The following ALDOB variants were observed in gnomAD, a reference collection of about 807,000 sequenced individuals.
ALDOB encodes the protein fructose-bisphosphate aldolase B.
Under a neutral mutation model 41.0 loss-of-function variants are expected in ALDOB, and 39 were observed. That is an observed-to-expected ratio of 0.95 (90% CI 0.74 to 1.24). The LOEUF is 1.24. ALDOB is among the 50% of genes most tolerant of loss of function. The probability of loss-of-function intolerance (pLI) is 0.00; values close to 1 mark genes in which losing one functional copy is unlikely to be tolerated. For synonymous variants in ALDOB, 175 were observed against 168.8 expected (o/e 1.04, Z -0.28); for missense variants, 530 against 457.3 (o/e 1.16, Z -1.45).
At chr9:101,428,572 C>A (rs1831165511) in intron 3 of ALDOB, 49 bp from the exon 4 acceptor site, 2 of 1,465,022 alleles carry the variant, frequency 1.4e-6, no homozygotes, top group Non-Finnish European at 1.9e-6. Flanking sequence ...AAAACACAAG[C>A]AGAACTCTTG....
At chr9:101,433,292 C>T (rs1021003566) in intron 1 of ALDOB, among the ~76,000 whole-genome samples, 2 of 152,170 alleles carry the variant, frequency 1.3e-5, no homozygotes, top group Admixed American at 1.3e-4. Context: ...CTATTTTCTT[C>T]AATCTGGGTA....
At chr9:101,428,357 G>T in intron 4 of ALDOB, 112 bp downstream of exon 4, 4 of 970,034 alleles carry the variant, frequency 4.1e-6, no homozygotes, top group Non-Finnish European at 6.7e-6. Context: ...AGGTACGTGT[G>T]GCTCTAAGAC....
chr9:101,429,698 T>C lies in ALDOB; in HGVS notation c.324+57A>G, dbSNP rs1388661043. ...AGAGTGTTGGCCCTGTCCTTGCCAG[T>C]GTGCTTGGAGTTTGCCTAGGACAAA... On this transcript the variant is annotated intron_variant, in intron 3 of 8. Transcript: ENST00000647789. The C allele has an allele frequency of 3.3e-6, 5 of 1,500,706 alleles. No individual in the cohort carries two copies. In the African/African-American group the frequency reaches 4.1e-5, roughly 12 times the overall value. The allele number at this position is 1,500,706 out of a possible 1,614,324, so 93.0% of individuals were successfully genotyped here. A position where few individuals can be genotyped will look rare whatever the true frequency, so the allele number is the denominator to read the frequency against.
At chr9:101,431,630 A>G (rs754701322) in intron 1 of ALDOB, among the ~76,000 whole-genome samples, 86 of 152,092 alleles carry the variant, frequency 5.7e-4, no homozygotes, top group Admixed American at 8.5e-4. Context: ...AAGACCCCCT[A>G]ACCAAGCAGC....
Position 101,429,861 on chromosome 9 carries a change from C to G in ALDOB, c.218G>C (p.Ser73Thr). The G allele has an allele frequency of 6.2e-7, 1 of 1,614,116 alleles. No individual in the cohort carries two copies. The highest frequency in any genetic ancestry group is 8.5e-7 in the Non-Finnish European group (1 of 1,180,042). The change falls in exon 3 of 9, where the codon AGC becomes ACC. Residue 73 changes from serine to threonine, a missense_variant. By Grantham distance (58) the Ser-to-Thr change is moderately conservative. Transcript: ENST00000647789. Reference protein sequence around the residue: ...LFSVDSSINQSIGGVILFHET... With the variant: ...LFSVDSSINQTIGGVILFHET... The stretch of plus-strand genomic sequence containing the variant: ...GTGGAAAAGGATCACACCCCCGATG[C>G]TCTGGTTGATGGAACTGTCCACAGA...
chr9:101,429,794 T>C lies in ALDOB; in HGVS notation c.285A>G (p.Arg95=), dbSNP rs773510589. The part of the protein sequence containing the change: ...YQKDSQGKLF[R]NILKEKGIVV... The stretch of plus-strand genomic sequence containing the variant: ...CGATCCCCTTTTCCTTGAGGATGTT[T>C]CTGAACAGCTTTCCCTGGCTGTCCT... The change falls in exon 3 of 9, where the codon AGA becomes AGG. Residue 95 remains arginine, a synonymous_variant. Coordinates refer to ENST00000647789, the MANE Select transcript of ALDOB (RefSeq NM_000035.4). 1.9e-6 allele frequency: 3 copies of C among 1,614,034 alleles called. No homozygotes were observed. In the Admixed American group the frequency reaches 5.0e-5, roughly 27 times the overall value.
intron 8 of ALDOB, among the ~76,000 whole-genome samples, chr9:101,424,491 G>A (rs1342210404): frequency 1.3e-5 from 2 of 152,056 alleles, no homozygotes; most frequent in Non-Finnish European, 2.9e-5. Flanking sequence ...AGAATGCTTG[G>A]TTCACCCTAC....
intron 1 of ALDOB, among the ~76,000 whole-genome samples, 163 bp from the exon 2 acceptor site, chr9:101,431,060 C>T (rs1422047043): frequency 6.6e-6 from 1 of 152,236 alleles, no homozygotes; most frequent in Non-Finnish European, 1.5e-5. Context: ...TCCCCCATCA[C>T]TTATTAGTTG....
intron 2 of ALDOB, 65 bp downstream of exon 2, chr9:101,430,711 T>C: frequency 8.3e-7 from 1 of 1,201,656 alleles, no homozygotes; most frequent in Non-Finnish European, 1.2e-6. Context: ...GATTATCAAG[T>C]TGTTTTTGCT....
chr9:101,431,488 T>C (rs978993155), intron 1 of ALDOB, among the ~76,000 whole-genome samples: 3 of 152,300 alleles, frequency 2.0e-5, no homozygotes, highest in Non-Finnish European at 4.4e-5. Flanking sequence ...ATGAAACCAC[T>C]TGGGGCAGAC....
rs140263869 is a variant in ALDOB at position 101,427,280 on chromosome 9, T to G, written c.540+202A>C. ...TTGATGGCATTATCCTTTGAACTCA[T>G]AGCTTAGTTGGACTCCTACTGGCTT... On this transcript the variant is annotated intron_variant, in intron 5 of 8. Coordinates refer to ENST00000647789, the MANE Select transcript of ALDOB (RefSeq NM_000035.4). Among the ~76,000 whole-genome samples, 803 of 152,274 alleles carry G rather than the reference T, an allele frequency of 5.3e-3. 1 individual carries two copies. The highest frequency in any genetic ancestry group is 7.9e-3 in the Non-Finnish European group (537 of 67,998).
intron 3 of ALDOB, 79 bp downstream of exon 3, chr9:101,429,676 G>T: frequency 7.9e-7 from 1 of 1,271,238 alleles, no homozygotes; most frequent in Non-Finnish European, 1.2e-6. Flanking sequence ...AATGTTCAGA[G>T]TGTTGGCCCT....
At position 101,424,889 on chromosome 9, in the gene ALDOB, G is replaced by T; in HGVS notation, c.953C>A (p.Ala318Asp). ...CTCCTGGGTTGCCTCCTTGTTTGCAGCCTTGCCACCCCAGGCAGCCAGTGC... is the reference window on the plus strand; with the variant it reads ...CTCCTGGGTTGCCTCCTTGTTTGCATCCTTGCCACCCCAGGCAGCCAGTGC... ...ASALAAWGGK[A>D]ANKEATQEAF... Residue 318 changes from alanine (A) to aspartate (D), a missense_variant, in exon 8 of 9, where the codon GCT becomes GAT. By Grantham distance (126) the Ala-to-Asp change is moderately radical. Coordinates refer to ENST00000647789, the MANE Select transcript of ALDOB (RefSeq NM_000035.4). The T allele has an allele frequency of 6.2e-7, 1 of 1,613,954 alleles. No homozygotes were observed. Among genetic ancestry groups the T allele is most frequent in the South Asian group, 1.1e-5 (1 of 91,072 alleles).
rs61757689 is a variant in ALDOB at position 101,425,571 on chromosome 9, G to A, written c.681C>T (p.Thr227=). ...LNDHHVYLEG[T]LLKPNMVTAG... is the part of the protein sequence containing the mutation. ...CAGTCACCATGTTGGGCTTTAGCAG[G>A]GTGCCCTCCAGGTAAACATGATGGT... The change falls in exon 7 of 9, where the codon ACC becomes ACT. Residue 227 remains threonine, a synonymous_variant. Coordinates refer to ENST00000647789, the MANE Select transcript of ALDOB (RefSeq NM_000035.4). 941 of 1,614,038 alleles carry A rather than the reference G, an allele frequency of 5.8e-4. No individual in the cohort carries two copies. Among genetic ancestry groups the A allele is most frequent in the Non-Finnish European group, 7.7e-4 (913 of 1,180,050 alleles).
Position 101,424,724 on chromosome 9 carries a change from C to T in ALDOB, c.999+119G>A. The T allele has an allele frequency of 2.4e-6, 3 of 1,228,608 alleles. No individual in the cohort carries two copies. The South Asian group carries it at 3.7e-5, about 15-fold the overall frequency. 76.1% of individuals were successfully genotyped at this position (1,228,608 alleles called of 1,614,324 possible). A position where few individuals can be genotyped will look rare whatever the true frequency, so the allele number is the denominator to read the frequency against. ...CCTCTACTGCCACATTTTCAAATGC[C>T]TAATAGACACTATCGGTAGATACCT... On this transcript the variant is annotated intron_variant, in intron 8 of 8. Coordinates refer to ENST00000647789, the MANE Select transcript of ALDOB (RefSeq NM_000035.4).
Position 101,420,897 on chromosome 9 carries a change from C to T in ALDOB, c.*912G>A, listed in dbSNP as rs951999739. On this transcript the variant is annotated 3_prime_UTR_variant, in exon 9 of 9. Transcript: ENST00000647789. The stretch of plus-strand genomic sequence containing the variant: ...GTGAATATTATTTACTGCAAAACTA[C>T]GAAATATGCCTGGACGTGCAGATGA... The T allele has an allele frequency of 5.3e-5, 8 of 152,130 alleles. No homozygotes were observed. Among genetic ancestry groups the T allele is most frequent in the African/African-American group, 1.9e-4 (8 of 41,432 alleles). 9.4% of individuals were successfully genotyped at this position (152,130 alleles called of 1,614,324 possible).
At chr9:101,422,025 T>A in intron 8 of ALDOB, 121 bp from the exon 9 acceptor site, 1 of 810,836 alleles carries the variant, frequency 1.2e-6, no homozygotes, top group Non-Finnish European at 2.1e-6. Context: ...TTTACAGCAA[T>A]GTTGCTGAAT....
chr9:101,434,217 G>A (rs575310423), intron 1 of ALDOB, among the ~76,000 whole-genome samples: 59 of 152,246 alleles, frequency 3.9e-4, no homozygotes, highest in Non-Finnish European at 4.3e-4. Context: ...AGATACCTGC[G>A]TCAACCCTGT....
At chr9:101,429,264 C>A (rs1426464459) in intron 3 of ALDOB, among the ~76,000 whole-genome samples, 1 of 150,682 alleles carries the variant, frequency 6.6e-6, no homozygotes, top group Non-Finnish European at 1.5e-5. Flanking sequence ...GGTGATCAAT[C>A]TTTCCACGTC....
Sources: allele counts gnomAD v4.1 joint callset (sites outside exome capture counted in the v4.1 genomes callset), GRCh38; gene constraint gnomAD v4.1.1; transcripts MANE v1.5; gene names NCBI Gene and HGNC (gene_info 2026-07-23, HGNC 2026-07-21).